DNAH10: variants seen among roughly 807,000 people sequenced by gnomAD.
The protein encoded by DNAH10 is dynein axonemal heavy chain 10, also known as axonemal beta dynein heavy chain 10.
In DNAH10, 348 loss-of-function variants were observed where a neutral mutation model predicts 506.6. The ratio of observed to expected loss-of-function variants is 0.69; its 90% CI spans 0.63 to 0.75. DNAH10 has a LOEUF of 0.75. Ranked by LOEUF, DNAH10 falls within the 30% of genes least tolerant of loss-of-function variation. DNAH10 has a pLI of 0.00. For missense variants in DNAH10, 5,179 were observed against 5,787.1 expected, an observed-to-expected ratio of 0.89 and a Z score of 3.41; for synonymous variants, 2,059 against 2,198.6, an observed-to-expected ratio of 0.94 and a Z score of 1.78.
Position 123,909,339 on chromosome 12 carries a change from C to G in DNAH10, c.9894C>G (p.Asn3298Lys), listed in dbSNP as rs745950745. Reference protein sequence around the residue: ...ILIMKGYKELNWKTAKGVMSD... With the variant: ...ILIMKGYKELKWKTAKGVMSD... ...TCATGAAAGGGTACAAAGAGCTGAA[C>G]TGGAAAACAGCCAAGGGCGTGATGT... Residue 3298 changes from asparagine to lysine, a missense_variant, in exon 58 of 79, where the codon AAC becomes AAG. Asn to Lys is a moderately conservative substitution (Grantham distance 94). This residue lies in a region of DNAH10 where 4,844 missense variants were observed against 5,430.5 expected (regional missense o/e 0.89). Coordinates refer to ENST00000673944, the MANE Select transcript of DNAH10 (RefSeq NM_001372106.1). This position sits in a 1 kb window ranked among gnomAD's most constrained non-coding sequence, Gnocchi z 5.4. 7.4e-6 allele frequency: 12 copies of G among 1,613,226 alleles called. No individual in the cohort carries two copies. Among genetic ancestry groups the G allele is most frequent in the Non-Finnish European group, 1.0e-5 (12 of 1,179,646 alleles).
chr12:123,795,032 C>G (rs1281020772), intron 12 of DNAH10, among the ~76,000 whole-genome samples: 1 of 149,824 alleles, frequency 6.7e-6, no homozygotes, highest in East Asian at 2.0e-4. Context: ...TCTGTAATCC[C>G]AGCTACTCAG....
chr12:123,784,024 G>A lies in DNAH10; in HGVS notation c.1077G>A (p.Lys359=). 4 of 1,614,190 alleles carry A rather than the reference G, an allele frequency of 2.5e-6. No homozygotes were observed. The highest frequency in any genetic ancestry group is 3.4e-6 in the Non-Finnish European group (4 of 1,180,036). Residue 359 remains lysine, a synonymous_variant, in exon 8 of 79, where the codon AAG becomes AAA. Transcript: ENST00000673944. The part of the protein sequence containing the change: ...ATLSALHEQT[K]LPIVRKVLDV... ...TAAGTGCGCTGCATGAACAAACAAA[G>A]CTTCCAATAGTCAGAAAAGTCTTGG...
chr12:123,879,409 A>G, intron 49 of DNAH10, 52 bp downstream of exon 49: 1 of 1,540,370 alleles, frequency 6.5e-7, no homozygotes, highest in Non-Finnish European at 8.8e-7. Flanking sequence ...GAAAATAAAC[A>G]AGCGCCAAAA....
At chr12:123,812,055 C>A (rs1264071688) in intron 19 of DNAH10, among the ~76,000 whole-genome samples, 2 of 152,208 alleles carry the variant, frequency 1.3e-5, no homozygotes, top group East Asian at 3.8e-4. Context: ...TTTGCACCAA[C>A]CTATAGTAGT....
chr12:123,931,138 C>T (rs1477699718), intron 73 of DNAH10, among the ~76,000 whole-genome samples: 1 of 152,000 alleles, frequency 6.6e-6, no homozygotes, highest in Non-Finnish European at 1.5e-5. Context: ...GAGCTTGAGC[C>T]CAGGAGGTCG....
At chr12:123,885,387 G>A (rs1028210222) in intron 51 of DNAH10, among the ~76,000 whole-genome samples, 3 of 152,130 alleles carry the variant, frequency 2.0e-5, no homozygotes, top group Non-Finnish European at 4.4e-5. Context: ...TTCCAATGGC[G>A]GGCATTTAGC....
Position 123,879,504 on chromosome 12 carries a change from G to A in DNAH10, c.8467-130G>A, listed in dbSNP as rs138048439. The A allele has an allele frequency of 1.9e-4, 274 of 1,474,708 alleles. 2 individuals are homozygous for A. The African/African-American group carries it at 3.0e-3, about 16-fold the overall frequency. 91.4% of individuals were successfully genotyped at this position (1,474,708 alleles called of 1,614,324 possible). A position where few individuals can be genotyped will look rare whatever the true frequency, so the allele number is the denominator to read the frequency against. ...AAGGAGGGTGGGTGGGTTATTAAGC[G>A]TCTTGCAGCAACTGAAAAAAAATAG... On this transcript the variant is annotated intron_variant, in intron 49 of 78. Coordinates refer to ENST00000673944, the MANE Select transcript of DNAH10 (RefSeq NM_001372106.1).
At chr12:123,773,996 G>C (rs942390515) in intron 4 of DNAH10, among the ~76,000 whole-genome samples, 153 bp from the exon 5 acceptor site, 10 of 152,168 alleles carry the variant, frequency 6.6e-5, no homozygotes, top group African/African-American at 2.4e-4. Context: ...CCTCAGATTT[G>C]TTTAAACACA....
Position 123,909,128 on chromosome 12 carries a change from C to A in DNAH10, c.9816-133C>A. Reference sequence around the variant, plus strand: ...GAGTGCGGTTTGTGTTGGGACCTGGCTTCTTTCGTTTGCTTGCAGCAGTAG... The same window carrying A: ...GAGTGCGGTTTGTGTTGGGACCTGGATTCTTTCGTTTGCTTGCAGCAGTAG... On this transcript the variant is annotated intron_variant, in intron 57 of 78. Coordinates refer to ENST00000673944, the MANE Select transcript of DNAH10 (RefSeq NM_001372106.1). This position sits in a 1 kb window ranked among gnomAD's most constrained non-coding sequence, Gnocchi z 5.4. The A allele has an allele frequency of 8.1e-7, 1 of 1,239,294 alleles. No individual in the cohort carries two copies. Among genetic ancestry groups the A allele is most frequent in the South Asian group, 1.5e-5 (1 of 66,584 alleles). 76.8% of individuals were successfully genotyped at this position (1,239,294 alleles called of 1,614,324 possible).
rs1481891387 is a variant in DNAH10 at position 123,925,066 on chromosome 12, C to T, written c.11783C>T (p.Ser3928Leu). ...TVWQEWYDLD[S>L]LEQFPVPLGY... ...TTTTCCCAGTGGTATGACCTGGATT[C>T]ACTGGAGCAGTTTCCCGTCCCCTTG... The change falls in exon 68 of 79, where the codon TCA (serine) becomes TTA (leucine). Residue 3928 changes from serine (S) to leucine (L), a missense_variant. Around this residue, in one of 3 missense-constraint regions of DNAH10, gnomAD observed 4,844 missense variants for 5,430.5 expected, o/e 0.89. Transcript: ENST00000673944. This position sits in a 1 kb window ranked among gnomAD's most constrained non-coding sequence, Gnocchi z 4.0. 3 of 1,614,028 alleles carry T rather than the reference C, an allele frequency of 1.9e-6. No individual in the cohort carries two copies. Among genetic ancestry groups the T allele is most frequent in the Non-Finnish European group, 2.5e-6 (3 of 1,179,892 alleles).
intron 10 of DNAH10, among the ~76,000 whole-genome samples, chr12:123,789,590 G>T (rs918786778): frequency 6.6e-6 from 1 of 152,136 alleles, no homozygotes; most frequent in African/African-American, 2.4e-5. Context: ...CGCCATGTTT[G>T]CCAGGCTTGT....
At chr12:123,934,323 T>C (rs1358744265) in intron 77 of DNAH10, 1 of 682,052 alleles carries the variant, frequency 1.5e-6, no homozygotes, top group Non-Finnish European at 2.7e-6. Context: ...CCCAGGGTGG[T>C]CTAAGTCCGT....
intron 34 of DNAH10, among the ~76,000 whole-genome samples, chr12:123,849,966 T>C (rs1274432430): frequency 6.6e-6 from 1 of 152,138 alleles, no homozygotes; most frequent in Admixed American, 6.5e-5. Context: ...GCAATGTATA[T>C]AGATTTCCAG....
intron 51 of DNAH10, among the ~76,000 whole-genome samples, chr12:123,886,223 G>A (rs1460509592): frequency 2.0e-5 from 3 of 152,118 alleles, no homozygotes; most frequent in Non-Finnish European, 4.4e-5. Flanking sequence ...GTAGCGCCTC[G>A]AGGAACAGCA....
At position 123,781,232 on chromosome 12, in the gene DNAH10, G is replaced by A. The variant is rs757512995; in HGVS notation, c.774G>A (p.Arg258=). Residue 258 remains arginine (R), a synonymous_variant, in exon 6 of 79, where the codon CGG becomes CGA. Transcript: ENST00000673944. ...AATATCACAGTATTCAATTAATACG[G>A]GATGAATTTTTAATGAACGTGCAGA... ...AVEYHSIQLI[R]DEFLMNVQKF... 3 of 1,613,864 alleles carry A rather than the reference G, an allele frequency of 1.9e-6. No homozygotes were observed. The highest frequency in any genetic ancestry group is 1.6e-4 in the Middle Eastern group (1 of 6,062).
chr12:123,793,868 T>C, intron 11 of DNAH10, 74 bp from the exon 12 acceptor site: 1 of 1,091,682 alleles, frequency 9.2e-7, no homozygotes, highest in South Asian at 2.1e-5. Flanking sequence ...ATTTTTTTTT[T>C]CTTATTTCTT....
At chr12:123,783,041 T>A in intron 6 of DNAH10, 66 bp from the exon 7 acceptor site, 2 of 1,541,916 alleles carry the variant, frequency 1.3e-6, no homozygotes, top group Non-Finnish European at 1.8e-6. Flanking sequence ...CCGGTGAACT[T>A]GAATGTTTCT....
intron 5 of DNAH10, among the ~76,000 whole-genome samples, chr12:123,776,595 C>G (rs371892670): frequency 1.3e-5 from 2 of 150,232 alleles, no homozygotes; most frequent in African/African-American, 4.9e-5. Context: ...GTGGTCATGC[C>G]ACTGCACTAC....
At chr12:123,897,334 G>C (rs1953298394) in intron 54 of DNAH10, among the ~76,000 whole-genome samples, 1 of 152,178 alleles carries the variant, frequency 6.6e-6, no homozygotes, top group South Asian at 2.1e-4. Flanking sequence ...TTGAGTCCCT[G>C]CTTTTCAGTT....
Sources: gnomAD v4.1 joint callset for allele counts (sites outside exome capture counted in the v4.1 genomes callset) on GRCh38, gnomAD v4.1.1 for gene constraint, gnomAD v4.1.1 regional missense constraint, Gnocchi (gnomAD v3.1) non-coding constraint, MANE v1.5 for transcripts, NCBI Gene and HGNC (gene_info 2026-07-23, HGNC 2026-07-21) for gene names.